The following SLC6A3 variants were observed in gnomAD, a reference collection of about 807,000 sequenced individuals.
SLC6A3 encodes the protein solute carrier family 6 member 3.
Under a neutral mutation model 70.4 loss-of-function variants are expected in SLC6A3, and 19 were observed. The observed-to-expected ratio is 0.27, with a 90% CI of 0.19 to 0.40. The LOEUF (loss-of-function observed/expected upper bound fraction) is 0.40. Ranked by LOEUF, SLC6A3 falls within the 10% of genes least tolerant of loss-of-function variation. The pLI is 1.00. For missense variants in SLC6A3, 613 were observed against 838.5 expected, an observed-to-expected ratio of 0.73 and a Z score of 3.32; for synonymous variants, 368 against 356.6, an observed-to-expected ratio of 1.03 and a Z score of -0.36.
At chr5:1,403,132 G>C (rs370476826) in intron 12 of SLC6A3, 43 bp from the exon 13 acceptor site, 5 of 1,603,396 alleles carry the variant, frequency 3.1e-6, no homozygotes, top group Non-Finnish European at 4.3e-6. Flanking sequence ...CTCAGCCGGC[G>C]GTGCCAGGAC....
rs1755720845 is a variant in SLC6A3, at chr5:1,396,420, C to G, written c.1840-1662G>C. Among the ~76,000 whole-genome samples the G allele has an allele frequency of 1.3e-5, 2 of 152,238 alleles. No individual in the cohort carries two copies. The highest frequency in any genetic ancestry group is 2.9e-5 in the Non-Finnish European group (2 of 68,032). On this transcript the variant is annotated intron_variant, in intron 14 of 14. Coordinates refer to ENST00000270349, the MANE Select transcript of SLC6A3 (RefSeq NM_001044.5). The surrounding 1 kb of genome is among the most constrained non-coding windows in gnomAD (Gnocchi z 7.0). ...TGAGGGAAGCCAACAAGGAGGCCCC[C>G]CTGCCACCCTGCTCGCTGCCTCGAG... is the stretch of plus-strand genomic sequence containing the variant.
Position 1,440,327 on chromosome 5 carries a change from G to A in SLC6A3, c.418+1032C>T, listed in dbSNP as rs138467163. Among the ~76,000 whole-genome samples, 153 of 152,118 alleles carry A rather than the reference G, an allele frequency of 1.0e-3. 1 individual carries two copies. Among genetic ancestry groups the A allele is most frequent in the African/African-American group, 3.3e-3 (137 of 41,502 alleles). The stretch of plus-strand genomic sequence containing the variant: ...TAGATAGATGGATCGATAGGTAGAT[G>A]GATGGATCAATAGATAATGGATGGA... On this transcript the variant is annotated intron_variant, in intron 3 of 14. Coordinates refer to ENST00000270349, the MANE Select transcript of SLC6A3 (RefSeq NM_001044.5).
At chr5:1,429,248 C>T (rs891206149) in intron 4 of SLC6A3, among the ~76,000 whole-genome samples, 1 of 152,246 alleles carries the variant, frequency 6.6e-6, no homozygotes. Flanking sequence ...CTCAGTCCCA[C>T]TGGTGGGAAA....
At chr5:1,419,934 A>C in intron 6 of SLC6A3, among the ~76,000 whole-genome samples, 1 of 149,440 alleles carries the variant, frequency 6.7e-6, no homozygotes, top group South Asian at 2.1e-4. Flanking sequence ...CTTCCTTCCC[A>C]CTTCTGCCTT....
chr5:1,417,909 C>A (rs1756345049), intron 6 of SLC6A3, among the ~76,000 whole-genome samples: 1 of 152,208 alleles, frequency 6.6e-6, no homozygotes. Context: ...CTTGACTGAG[C>A]AAGGGAACTG....
rs1271764997 is a variant in SLC6A3, at chr5:1,438,261, G to A, written c.418+3098C>T. 2.6e-5 allele frequency among the ~76,000 whole-genome samples: 4 copies of A among 152,230 alleles called. No individual in the cohort carries two copies. Among genetic ancestry groups the A allele is most frequent in the African/African-American group, 7.2e-5 (3 of 41,458 alleles). ...TCCAAAGATCCGCCCGCAGGGCCAC[G>A]AGCCTTCCTTCCTGCGGCCACACTT... is the stretch of plus-strand genomic sequence containing the variant. On this transcript the variant is annotated intron_variant, in intron 3 of 14. Transcript: ENST00000270349. This position sits in a 1 kb window ranked among gnomAD's most constrained non-coding sequence, Gnocchi z 6.5.
chr5:1,436,762 C>T lies in SLC6A3; in HGVS notation c.419-4064G>A, dbSNP rs1463955123. ...AAACAGAAGCTGGCTGAGGGTCGTG[C>T]CTGCAAATGGTGCTTCGCCCACCAG... On this transcript the variant is annotated intron_variant, in intron 3 of 14. Transcript: ENST00000270349. The surrounding 1 kb of genome is among the most constrained non-coding windows in gnomAD (Gnocchi z 5.2). 1.3e-5 allele frequency among the ~76,000 whole-genome samples: 2 copies of T among 152,156 alleles called. No homozygotes were observed. The highest frequency in any genetic ancestry group is 2.9e-5 in the Non-Finnish European group (2 of 68,044).
At chr5:1,429,283 A>G (rs1756642376) in intron 4 of SLC6A3, among the ~76,000 whole-genome samples, 1 of 152,156 alleles carries the variant, frequency 6.6e-6, no homozygotes, top group African/African-American at 2.4e-5. Context: ...GTGTGGGAGG[A>G]GTGCCAAGCA....
At chr5:1,427,989 C>T (rs539964679) in intron 4 of SLC6A3, among the ~76,000 whole-genome samples, 2 of 152,104 alleles carry the variant, frequency 1.3e-5, no homozygotes, top group East Asian at 3.9e-4. Context: ...ACACAGTGAC[C>T]TAACATAACC....
intron 1 of SLC6A3, among the ~76,000 whole-genome samples, chr5:1,443,674 C>T (rs1186610280): frequency 6.7e-6 from 1 of 149,930 alleles, no homozygotes; most frequent in Non-Finnish European, 1.5e-5. Context: ...ATTCTTTTTT[C>T]TTTTTTTTTT....
At chr5:1,409,592 G>A in intron 10 of SLC6A3, 129 bp downstream of exon 10, 1 of 1,042,262 alleles carries the variant, frequency 9.6e-7, no homozygotes, top group South Asian at 1.3e-5. Context: ...CATTTTCTGG[G>A]GTGGGTGGGT....
Position 1,400,584 on chromosome 5 carries a change from C to T in SLC6A3, c.1839+331G>A, listed in dbSNP as rs544553954. On this transcript the variant is annotated intron_variant, in intron 14 of 14. Coordinates refer to ENST00000270349, the MANE Select transcript of SLC6A3 (RefSeq NM_001044.5). ...CCCCCGTGAGGCGGGGGGTGGTGGT[C>T]CCTTGCTGGTCCTTAACCTGGCTCA... Among the ~76,000 whole-genome samples, 3 of 152,266 alleles carry T rather than the reference C, an allele frequency of 2.0e-5. No homozygotes were observed. The South Asian group carries it at 6.2e-4, about 32-fold the overall frequency.
Position 1,421,762 on chromosome 5 carries a change from T to G in SLC6A3, c.792+114A>C. ...CCACCCCAACCTGGCCATGGCCACA[T>G]TGGTAGCACAAAACCCAACTGAGGC... On this transcript the variant is annotated intron_variant, in intron 5 of 14. Coordinates refer to ENST00000270349, the MANE Select transcript of SLC6A3 (RefSeq NM_001044.5). The surrounding 1 kb of genome is among the most constrained non-coding windows in gnomAD (Gnocchi z 7.2). 17 of 1,158,206 alleles carry G rather than the reference T, an allele frequency of 1.5e-5. No homozygotes were observed. The highest frequency in any genetic ancestry group is 1.7e-5 in the Admixed American group (1 of 59,348). The allele number at this position is 1,158,206 out of a possible 1,614,324, so 71.7% of individuals were successfully genotyped here. A position where few individuals can be genotyped will look rare whatever the true frequency, so the allele number is the denominator to read the frequency against.
chr5:1,422,567 G>A (rs1361931724), intron 4 of SLC6A3, among the ~76,000 whole-genome samples: 3 of 134,294 alleles, frequency 2.2e-5, no homozygotes, highest in South Asian at 2.4e-4. Flanking sequence ...TGCCCACAGT[G>A]CTGCCCACGC....
At chr5:1,441,238 T>C in intron 3 of SLC6A3, 121 bp downstream of exon 3, 2 of 1,216,688 alleles carry the variant, frequency 1.6e-6, no homozygotes, top group East Asian at 4.7e-5. Flanking sequence ...GCGTGTGCCA[T>C]GCCTGTGTCT....
rs541947726 is a variant in SLC6A3, at chr5:1,404,237, G to A, written c.1600-1148C>T. On this transcript the variant is annotated intron_variant, in intron 12 of 14. Coordinates refer to ENST00000270349, the MANE Select transcript of SLC6A3 (RefSeq NM_001044.5). This position sits in a 1 kb window ranked among gnomAD's most constrained non-coding sequence, Gnocchi z 5.2. ...AGCGGAGGACTGGGATGGGGGCTGG[G>A]GTTGTGTCTGTCACGTGACCAGAGC... Among the ~76,000 whole-genome samples the A allele has an allele frequency of 6.6e-6, 1 of 152,318 alleles. No homozygotes were observed. The highest frequency in any genetic ancestry group is 2.4e-5 in the African/African-American group (1 of 41,576).
chr5:1,430,649 A>G (rs1051044934), intron 4 of SLC6A3, among the ~76,000 whole-genome samples: 1 of 152,202 alleles, frequency 6.6e-6, no homozygotes, highest in Non-Finnish European at 1.5e-5. Flanking sequence ...TTGCAGGAAA[A>G]GACCTCAGTG....
At position 1,436,215 on chromosome 5, in the gene SLC6A3, C is replaced by A. The variant is rs1756832594; in HGVS notation, c.419-3517G>T. Among the ~76,000 whole-genome samples the A allele has an allele frequency of 6.6e-6, 1 of 152,218 alleles. No individual in the cohort carries two copies. Among genetic ancestry groups the A allele is most frequent in the Non-Finnish European group, 1.5e-5 (1 of 68,036 alleles). The stretch of plus-strand genomic sequence containing the variant: ...GTGACCTGGGCCACTGACGTGTAGC[C>A]CCTCACCAACCAGCCAACTTCACCA... On this transcript the variant is annotated intron_variant, in intron 3 of 14. Transcript: ENST00000270349. The surrounding 1 kb of genome is among the most constrained non-coding windows in gnomAD (Gnocchi z 5.2).
intron 7 of SLC6A3, 67 bp downstream of exon 7, chr5:1,416,030 AT>A: frequency 1.7e-6 from 2 of 1,203,930 alleles, no homozygotes; most frequent in Non-Finnish European, 2.5e-6. Flanking sequence ...GGGACACCCT[AT>A]TTCTGGAAGT....
Sources: allele counts gnomAD v4.1 joint callset (sites outside exome capture counted in the v4.1 genomes callset), GRCh38; gene constraint gnomAD v4.1.1; non-coding constraint Gnocchi (gnomAD v3.1); transcripts MANE v1.5; gene names NCBI Gene and HGNC (gene_info 2026-07-23, HGNC 2026-07-21).